ST3GAL2: variants seen among roughly 807,000 people sequenced by gnomAD.
ST3GAL2 encodes the protein CMP-N-acetylneuraminate-beta-galactosamide-alpha-2,3-sialyltransferase 2.
In ST3GAL2, 16 loss-of-function variants were observed where a neutral mutation model predicts 37.5. The ratio of observed to expected loss-of-function variants is 0.43; its 90% confidence interval spans 0.29 to 0.65. The LOEUF is 0.65. Among genes scored for constraint, ST3GAL2 ranks in the 30% least tolerant of loss-of-function variants. The pLI is 0.17. For missense variants in ST3GAL2, 383 were observed against 487.8 expected, an observed-to-expected ratio of 0.79 and a Z score of 2.02; for synonymous variants, 238 against 202.9, an observed-to-expected ratio of 1.17 and a Z score of -1.47.
At chr16:70,409,524 G>A (rs761752984) in intron 1 of ST3GAL2, among the ~76,000 whole-genome samples, 20 of 151,946 alleles carry the variant, frequency 1.3e-4, no homozygotes, top group Non-Finnish European at 2.9e-4. Flanking sequence ...TGTATTTTTA[G>A]TCGAGATGGG....
chr16:70,386,903 C>G (rs1476642889), intron 4 of ST3GAL2, among the ~76,000 whole-genome samples: 1 of 152,216 alleles, frequency 6.6e-6, no homozygotes, highest in African/African-American at 2.4e-5. Flanking sequence ...CTTGGCCTCC[C>G]AAGGTGCTGG....
intron 1 of ST3GAL2, among the ~76,000 whole-genome samples, chr16:70,409,696 G>A (rs947613564): frequency 4.6e-5 from 7 of 151,960 alleles, no homozygotes; most frequent in African/African-American, 7.3e-5. Flanking sequence ...CTGGAATGCC[G>A]GTGGCGCAAT....
rs1458743763 is a variant in ST3GAL2, at chr16:70,416,381, A to G, written c.-1003-16848T>C. On this transcript the variant is annotated intron_variant, in intron 1 of 6. Transcript: ENST00000342907. ...CCCAAGCCAGAACTGGCCCACATTT[A>G]TTAAGATTCTACACTGAAACTAAAA... is the stretch of plus-strand genomic sequence containing the variant. 2.6e-5 allele frequency among the ~76,000 whole-genome samples: 4 copies of G among 152,224 alleles called. No individual in the cohort carries two copies. The East Asian group carries it at 5.8e-4, about 22-fold the overall frequency.
At chr16:70,436,087 C>G (rs2047823285) in intron 1 of ST3GAL2, among the ~76,000 whole-genome samples, 1 of 150,604 alleles carries the variant, frequency 6.6e-6, no homozygotes, top group Non-Finnish European at 1.5e-5. Context: ...GATCACACCA[C>G]TGCACTCCAG....
intron 3 of ST3GAL2, among the ~76,000 whole-genome samples, chr16:70,389,353 G>C (rs1401034510): frequency 6.6e-6 from 1 of 151,612 alleles, no homozygotes; most frequent in Non-Finnish European, 1.5e-5. Context: ...ACCCAGGCTG[G>C]AGTGCAGTGG....
chr16:70,436,465 A>C (rs1405609958), intron 1 of ST3GAL2, among the ~76,000 whole-genome samples: 1 of 151,758 alleles, frequency 6.6e-6, no homozygotes, highest in Admixed American at 6.6e-5. Flanking sequence ...AAAGAAAAAA[A>C]AAAAAAAAAA....
At chr16:70,429,876 C>A (rs2047777560) in intron 1 of ST3GAL2, among the ~76,000 whole-genome samples, 1 of 152,062 alleles carries the variant, frequency 6.6e-6, no homozygotes, top group South Asian at 2.1e-4. Context: ...CTCCTGACCT[C>A]AGGTGATCTG....
chr16:70,407,294 C>T (rs182723047), intron 1 of ST3GAL2, among the ~76,000 whole-genome samples: 8 of 152,240 alleles, frequency 5.3e-5, no homozygotes, highest in Non-Finnish European at 2.9e-5. Flanking sequence ...GCCCGTGCCA[C>T]CACGCCCAGC....
intron 1 of ST3GAL2, among the ~76,000 whole-genome samples, chr16:70,434,220 C>T (rs1381649065): frequency 3.3e-5 from 5 of 152,100 alleles, no homozygotes; most frequent in Non-Finnish European, 4.4e-5. Flanking sequence ...AGGCGGATCA[C>T]GAGGTCAGGA....
chr16:70,402,943 G>A (rs1028346009), intron 1 of ST3GAL2, among the ~76,000 whole-genome samples: 1 of 152,178 alleles, frequency 6.6e-6, no homozygotes, highest in Non-Finnish European at 1.5e-5. Flanking sequence ...GAGCCACTGC[G>A]CCTAGCCATG....
At chr16:70,429,962 G>A (rs1015119163) in intron 1 of ST3GAL2, among the ~76,000 whole-genome samples, 1 of 152,182 alleles carries the variant, frequency 6.6e-6, no homozygotes, top group Non-Finnish European at 1.5e-5. Flanking sequence ...CCTGTGGGTA[G>A]CTAAGGCAGC....
intron 3 of ST3GAL2, 56 bp downstream of exon 3, chr16:70,394,926 A>T: frequency 1.3e-6 from 2 of 1,575,306 alleles, no homozygotes; most frequent in Non-Finnish European, 1.7e-6. Context: ...AGAGGAGGGC[A>T]GTCCCCTTCC....
rs147576879 is a variant in ST3GAL2 at position 70,392,398 on chromosome 16, T to C, written c.533+2584A>G. ...CAGCATTCTAGAAATCTATCTGTCC[T>C]TGGCTGCCTCCAGCAGCTAAAGAAG... is the stretch of plus-strand genomic sequence containing the variant. On this transcript the variant is annotated intron_variant, in intron 3 of 6. Coordinates refer to ENST00000342907, the MANE Select transcript of ST3GAL2 (RefSeq NM_006927.4). Among the ~76,000 whole-genome samples the C allele has an allele frequency of 9.2e-5, 14 of 152,332 alleles. No individual in the cohort carries two copies. In the East Asian group the frequency reaches 1.5e-3, roughly 17 times the overall value.
chr16:70,393,593 G>A (rs1384536662), intron 3 of ST3GAL2: 1 of 152,292 alleles, frequency 6.6e-6, no homozygotes, highest in African/African-American at 2.4e-5. Context: ...AGTGACAGAT[G>A]CCTCAATTCC....
intron 3 of ST3GAL2, among the ~76,000 whole-genome samples, chr16:70,389,202 CAAAAAAAAAAAAAAAAAAAAAAAAA>C (rs1160368910): frequency 0.02 from 539 of 27,382 alleles, 7 homozygotes; most frequent in African/African-American, 0.057. Context: ...CCCATCTCTA[CAAAAAAAAAAAAAAAAAAAAAAAAA>C]AAAAAAAAAA....
At chr16:70,384,236 G>A (rs374675063) in intron 4 of ST3GAL2, among the ~76,000 whole-genome samples, 6 of 152,092 alleles carry the variant, frequency 3.9e-5, no homozygotes, top group Non-Finnish European at 7.4e-5. Context: ...AAGGATAAAC[G>A]GATAAACAAA....
intron 1 of ST3GAL2, among the ~76,000 whole-genome samples, chr16:70,427,137 C>CCATA (rs1249503324): frequency 6.6e-6 from 1 of 152,138 alleles, no homozygotes; most frequent in Non-Finnish European, 1.5e-5. Context: ...ACACAAGCCA[C>CCATA]CATACCTGAG....
intron 1 of ST3GAL2, among the ~76,000 whole-genome samples, chr16:70,402,868 CT>C (rs1241148631): frequency 2.6e-5 from 4 of 152,184 alleles, no homozygotes. Flanking sequence ...CCAGGCTGGT[CT>C]TTAACTCCTG....
rs1054274476 is a variant in ST3GAL2 at position 70,378,991 on chromosome 16, C to T, written c.*2698G>A. The T allele has an allele frequency of 3.3e-5, 5 of 152,152 alleles. No individual in the cohort carries two copies. The highest frequency in any genetic ancestry group is 7.3e-5 in the Non-Finnish European group (5 of 68,070). The allele number at this position is 152,152 out of a possible 1,614,324, so 9.4% of individuals were successfully genotyped here. On this transcript the variant is annotated 3_prime_UTR_variant, in exon 7 of 7. Coordinates refer to ENST00000342907, the MANE Select transcript of ST3GAL2 (RefSeq NM_006927.4). Reference sequence around the variant, plus strand: ...CCAGCCTGGGTAACAGAACAAGACTCTGTCTCAATAAATAAATAAATTAAA... The same window carrying T: ...CCAGCCTGGGTAACAGAACAAGACTTTGTCTCAATAAATAAATAAATTAAA...
Sources: gnomAD v4.1 joint callset for allele counts (sites outside exome capture counted in the v4.1 genomes callset) on GRCh38, gnomAD v4.1.1 for gene constraint, MANE v1.5 for transcripts, NCBI Gene and HGNC (gene_info 2026-07-23, HGNC 2026-07-21) for gene names.